The following CFAP95 variants were observed in gnomAD, a reference collection of about 807,000 sequenced individuals.
CFAP95 encodes the protein cilia and flagella associated protein 95, also known as cilia- and flagella-associated protein 95.
At chr9:69,896,981 C>T in the CFAP95 span, among the ~76,000 whole-genome samples, 2 of 152,114 alleles carry the variant, frequency 1.3e-5, no homozygotes, top group African/African-American at 4.8e-5. Context: ...TACCCATCCC[C>T]CATTGGTCCC....
the CFAP95 span, among the ~76,000 whole-genome samples, chr9:69,888,885 G>GAAA: frequency 2.5e-4 from 37 of 148,846 alleles, no homozygotes; most frequent in African/African-American, 5.4e-4. Context: ...CTCAAAAAGG[G>GAAA]AAAAAAAAAA....
At chr9:69,868,313 G>A in the CFAP95 span, among the ~76,000 whole-genome samples, 1 of 151,144 alleles carries the variant, frequency 6.6e-6, no homozygotes, top group Admixed American at 6.6e-5. Context: ...GGCAGCAAAA[G>A]CAAAAAATAA....
the CFAP95 span, among the ~76,000 whole-genome samples, chr9:69,846,294 C>T: frequency 7.3e-4 from 111 of 152,080 alleles, no homozygotes; most frequent in African/African-American, 2.5e-3. Context: ...ATATTATATG[C>T]GTTACAGTGG....
chr9:69,825,472 G>A, the CFAP95 span, among the ~76,000 whole-genome samples: 7 of 152,100 alleles, frequency 4.6e-5, no homozygotes, highest in Non-Finnish European at 8.8e-5. Flanking sequence ...TCGTTACTAG[G>A]ATAAAACATT....
At chr9:69,875,638 T>C in the CFAP95 span, among the ~76,000 whole-genome samples, 1 of 152,300 alleles carries the variant, frequency 6.6e-6, no homozygotes, top group African/African-American at 2.4e-5. Context: ...CTGATAAGCA[T>C]ATCATTTGAG....
At chr9:69,881,323 T>C in the CFAP95 span, among the ~76,000 whole-genome samples, 15 of 152,332 alleles carry the variant, frequency 9.8e-5, no homozygotes, top group African/African-American at 3.6e-4. Flanking sequence ...CTTTAATCCA[T>C]TTTGATTTGA....
At chr9:69,870,908 G>A in the CFAP95 span, among the ~76,000 whole-genome samples, 1 of 152,054 alleles carries the variant, frequency 6.6e-6, no homozygotes, top group Non-Finnish European at 1.5e-5. Flanking sequence ...CCTAGGCAGA[G>A]GATGAAGGAT....
At chr9:69,870,970 G>C in the CFAP95 span, among the ~76,000 whole-genome samples, 715 of 152,184 alleles carry the variant, frequency 4.7e-3, 6 homozygotes, top group African/African-American at 0.016. Context: ...TGTAATTCCA[G>C]CAGTTTGGGA....
At chr9:69,861,612 T>C in the CFAP95 span, among the ~76,000 whole-genome samples, 1 of 151,984 alleles carries the variant, frequency 6.6e-6, no homozygotes, top group Non-Finnish European at 1.5e-5. Flanking sequence ...CACAGGCCTT[T>C]GCTGACTTAG....
the CFAP95 span, among the ~76,000 whole-genome samples, chr9:69,832,791 C>T: frequency 4.6e-5 from 7 of 151,064 alleles, no homozygotes; most frequent in Admixed American, 3.3e-4. Context: ...GTGTGCTGCA[C>T]CCATTAACTC....
chr9:69,830,771 C>T, the CFAP95 span, among the ~76,000 whole-genome samples: 1 of 152,142 alleles, frequency 6.6e-6, no homozygotes, highest in Non-Finnish European at 1.5e-5. Context: ...CCCCAGCCTT[C>T]CAAGCAGCTG....
chr9:69,838,140 T>G, the CFAP95 span, among the ~76,000 whole-genome samples: 1 of 152,208 alleles, frequency 6.6e-6, no homozygotes, highest in Admixed American at 6.5e-5. Flanking sequence ...TGTAGCCTTG[T>G]AGTATAGTTT....
the CFAP95 span, chr9:69,844,756 C>T: frequency 3.4e-6 from 2 of 593,332 alleles, no homozygotes; most frequent in East Asian, 6.2e-5. Flanking sequence ...ATGACTTAGT[C>T]ACTGTGTGCT....
At chr9:69,842,125 G>T in the CFAP95 span, among the ~76,000 whole-genome samples, 1 of 152,150 alleles carries the variant, frequency 6.6e-6, no homozygotes, top group African/African-American at 2.4e-5. Context: ...CATAACCCAG[G>T]GATGGTGCTG....
the CFAP95 span, among the ~76,000 whole-genome samples, chr9:69,878,057 AGAGTG>A: frequency 6.6e-6 from 1 of 152,230 alleles, no homozygotes; most frequent in African/African-American, 2.4e-5. Flanking sequence ...TCCTAGTTCA[AGAGTG>A]CCCTCTTCAG....
chr9:69,825,399 G>A, the CFAP95 span, among the ~76,000 whole-genome samples: 6,226 of 152,170 alleles, frequency 0.041, 417 homozygotes, highest in African/African-American at 0.14. Context: ...ATTAAAATCC[G>A]TTGTGTATAA....
chr9:69,832,417 C>T, the CFAP95 span, among the ~76,000 whole-genome samples: 1 of 152,184 alleles, frequency 6.6e-6, no homozygotes, highest in East Asian at 1.9e-4. Flanking sequence ...CAGTGTGGCG[C>T]GTGTAATGTG....
chr9:69,898,850 T>C, the CFAP95 span, among the ~76,000 whole-genome samples: 651 of 152,284 alleles, frequency 4.3e-3, 3 homozygotes, highest in Non-Finnish European at 7.3e-3. Flanking sequence ...ATGTCTAAAA[T>C]GTGACTCATC....
At chr9:69,873,099 C>T in the CFAP95 span, among the ~76,000 whole-genome samples, 3 of 152,160 alleles carry the variant, frequency 2.0e-5, no homozygotes, top group East Asian at 3.9e-4. Flanking sequence ...CAACAAGGGT[C>T]GTTTTGGAGG....
Sources: gnomAD v4.1 joint callset for allele counts (sites outside exome capture counted in the v4.1 genomes callset) on GRCh38, gnomAD v4.1.1 for gene constraint, MANE v1.5 for transcripts, NCBI Gene and HGNC (gene_info 2026-07-23, HGNC 2026-07-21) for gene names.